Variants in MYPN observed in about 807,000 individuals in gnomAD.
MYPN encodes the protein sarcomeric protein myopalladin, 145 kDa (MYOP).
Under a neutral mutation model 129.4 loss-of-function variants are expected in MYPN, and 63 were observed. That is an observed-to-expected ratio of 0.49 (90% CI 0.40 to 0.60). The LOEUF (loss-of-function observed/expected upper bound fraction) is 0.60, where lower values mean the gene tolerates loss of function less well. Ranked by LOEUF, MYPN falls within the 20% of genes least tolerant of loss-of-function variation. The pLI, the probability that MYPN is intolerant of heterozygous loss-of-function variation, is 0.00. For missense variants in MYPN, 1,596 were observed against 1,635.4 expected, an observed-to-expected ratio of 0.98 and a Z score of 0.42; for synonymous variants, 629 against 600.9, an observed-to-expected ratio of 1.05 and a Z score of -0.68.
At chr10:68,196,927 T>G (rs1589609471) in intron 15 of MYPN, among the ~76,000 whole-genome samples, 1 of 152,218 alleles carries the variant, frequency 6.6e-6, no homozygotes, top group South Asian at 2.1e-4. Context: ...TAAATTTTAT[T>G]ACTCAAAGAC....
At chr10:68,131,033 G>A (rs2042401778) in intron 2 of MYPN, among the ~76,000 whole-genome samples, 1 of 152,098 alleles carries the variant, frequency 6.6e-6, no homozygotes, top group Non-Finnish European at 1.5e-5. Context: ...TCACTTTAAG[G>A]ATTTTTGGCC....
intron 17 of MYPN, among the ~76,000 whole-genome samples, chr10:68,201,276 T>C (rs2134307783): frequency 6.6e-6 from 1 of 152,356 alleles, no homozygotes; most frequent in East Asian, 1.9e-4. Context: ...TCTCGTGGGA[T>C]GTGCAGAGAT....
At chr10:68,143,249 C>A in intron 3 of MYPN, 134 bp downstream of exon 3, 2 of 773,792 alleles carry the variant, frequency 2.6e-6, no homozygotes, top group South Asian at 1.7e-5. Context: ...CCGAGTAGAA[C>A]AAAAATACTT....
chr10:68,116,353 C>T (rs1186010290), intron 1 of MYPN, among the ~76,000 whole-genome samples: 1 of 152,038 alleles, frequency 6.6e-6, no homozygotes, highest in African/African-American at 2.4e-5. Flanking sequence ...TATGCATTTT[C>T]ATCTGAGAAT....
intron 14 of MYPN, 145 bp downstream of exon 14, chr10:68,194,657 A>C (rs2043574874): frequency 1.1e-6 from 1 of 950,622 alleles, no homozygotes; most frequent in Non-Finnish European, 1.6e-6. Context: ...TAACTAGGGC[A>C]CAGCATCACA....
intron 17 of MYPN, among the ~76,000 whole-genome samples, chr10:68,200,355 C>T (rs536331646): frequency 8.5e-5 from 13 of 152,336 alleles, no homozygotes; most frequent in African/African-American, 2.9e-4. Context: ...AATGCCTATA[C>T]ATAAGGACAA....
At chr10:68,095,412 G>A (rs888081405) in intron 1 of MYPN, among the ~76,000 whole-genome samples, 2 of 151,364 alleles carry the variant, frequency 1.3e-5, no homozygotes, top group African/African-American at 4.9e-5. Context: ...TTTTTTGGCT[G>A]TAATTTGCAG....
chr10:68,198,731 T>C (rs760348351), intron 16 of MYPN, among the ~76,000 whole-genome samples: 3 of 152,172 alleles, frequency 2.0e-5, no homozygotes, highest in Non-Finnish European at 4.4e-5. Flanking sequence ...GTTTAATATC[T>C]GGCCTTTCAT....
At chr10:68,151,999 A>G (rs1211097597) in intron 6 of MYPN, among the ~76,000 whole-genome samples, 2 of 152,196 alleles carry the variant, frequency 1.3e-5, no homozygotes, top group African/African-American at 4.8e-5. Flanking sequence ...GAGACATGAG[A>G]CATCAATCCG....
intron 12 of MYPN, among the ~76,000 whole-genome samples, chr10:68,188,637 A>T (rs533569387): frequency 6.6e-6 from 1 of 152,166 alleles, no homozygotes; most frequent in African/African-American, 2.4e-5. Context: ...TATTCCATCT[A>T]CATTCCATTT....
chr10:68,179,956 A>G (rs1278217395), intron 12 of MYPN, among the ~76,000 whole-genome samples: 3 of 152,234 alleles, frequency 2.0e-5, no homozygotes, highest in Non-Finnish European at 4.4e-5. Context: ...GCATCTTTTA[A>G]TAATTCTTTA....
At chr10:68,135,541 C>G in intron 2 of MYPN, 1 of 971,990 alleles carries the variant, frequency 1.0e-6, no homozygotes. Context: ...TACTTTTTGG[C>G]TGTGTTTTAG....
At position 68,182,373 on chromosome 10, in the gene MYPN, CATATATAACACATATATAACAT is replaced by C. The variant is rs1157004534; in HGVS notation, c.2704-6513_2704-6492del. On this transcript the variant is annotated intron_variant, in intron 12 of 19. Coordinates refer to ENST00000358913, the MANE Select transcript of MYPN (RefSeq NM_032578.4). The stretch of plus-strand genomic sequence containing the variant: ...ACATATATATAACACATATATATAA[CATATATAACACATATATAACAT>C]ATATATAACACATATATATAACATA... 4.2e-3 allele frequency among the ~76,000 whole-genome samples: 402 copies of C among 95,828 alleles called. 6 individuals carry two copies. The highest frequency in any genetic ancestry group is 0.013 in the African/African-American group (377 of 27,960). 62.9% of individuals were successfully genotyped at this position (95,828 alleles called of 152,430 possible). A position where few individuals can be genotyped will look rare whatever the true frequency, so the allele number is the denominator to read the frequency against.
chr10:68,158,830 T>A (rs1324837997), intron 7 of MYPN, among the ~76,000 whole-genome samples: 1 of 152,194 alleles, frequency 6.6e-6, no homozygotes, highest in African/African-American at 2.4e-5. Flanking sequence ...AGCATCATAT[T>A]CTTTTTTGTA....
Position 68,174,331 on chromosome 10 carries a change from T to G in MYPN, c.2239T>G (p.Leu747Val). 6.2e-7 allele frequency: 1 copy of G among 1,614,106 alleles called. No homozygotes were observed. Among genetic ancestry groups the G allele is most frequent in the East Asian group, 2.2e-5 (1 of 44,880 alleles). The change falls in exon 11 of 20, where the codon TTG becomes GTG. Residue 747 changes from leucine (L) to valine (V), a missense_variant. Leu to Val is a conservative substitution (Grantham distance 32). Transcript: ENST00000358913. Reference sequence around the variant, plus strand: ...CCCTTCCAGCTCTCCGGTGTTCACTTTGAGCAGCACTCCTCAAACTATTCA... The same window carrying G: ...CCCTTCCAGCTCTCCGGTGTTCACTGTGAGCAGCACTCCTCAAACTATTCA... ...VAPSSSPVFT[L>V]SSTPQTIQRT...
intron 2 of MYPN, among the ~76,000 whole-genome samples, chr10:68,133,479 G>C (rs1266959420): frequency 6.6e-6 from 1 of 152,076 alleles, no homozygotes; most frequent in Non-Finnish European, 1.5e-5. Flanking sequence ...ACAGGGCTTT[G>C]GAAGGGAGCC....
intron 2 of MYPN, among the ~76,000 whole-genome samples, chr10:68,122,799 G>A (rs897563033): frequency 6.6e-6 from 1 of 152,176 alleles, no homozygotes; most frequent in African/African-American, 2.4e-5. Flanking sequence ...CTACTCCGGA[G>A]GCTGAGGCAG....
At chr10:68,206,994 A>T (rs1215479200) in intron 19 of MYPN, 91 bp downstream of exon 19, 2 of 1,498,720 alleles carry the variant, frequency 1.3e-6, no homozygotes, top group Non-Finnish European at 1.8e-6. Context: ...AAGGTGGCTC[A>T]TGCCTGTAAT....
chr10:68,178,047 T>A (rs2043255140), intron 12 of MYPN, among the ~76,000 whole-genome samples: 1 of 152,210 alleles, frequency 6.6e-6, no homozygotes, highest in South Asian at 2.1e-4. Context: ...ATAAATTATG[T>A]TTTAAAATGT....
Sources: allele counts gnomAD v4.1 joint callset (sites outside exome capture counted in the v4.1 genomes callset), GRCh38; gene constraint gnomAD v4.1.1; transcripts MANE v1.5; gene names NCBI Gene and HGNC (gene_info 2026-07-23, HGNC 2026-07-21).